Variants in RASA4 observed in about 807,000 individuals in gnomAD.
The protein encoded by RASA4 is ras GTPase-activating protein 4.
A neutral mutation model predicts 24.0 loss-of-function variants in RASA4; 5 were observed. That is an observed-to-expected ratio of 0.21 (90% CI 0.11 to 0.44). The LOEUF is 0.44. Among genes scored for constraint, RASA4 ranks in the 20% least tolerant of loss-of-function variants. The probability of loss-of-function intolerance (pLI) is 0.99; values close to 1 mark genes in which losing one functional copy is unlikely to be tolerated. For missense variants in RASA4, 38 were observed against 293.0 expected, an observed-to-expected ratio of 0.13 and a Z score of 6.35; for synonymous variants, 9 against 132.7, an observed-to-expected ratio of 0.07 and a Z score of 6.41.
intron 16 of RASA4, among the ~76,000 whole-genome samples, chr7:102,590,919 A>C (rs1201820999): frequency 6.8e-6 from 1 of 146,590 alleles, no homozygotes; most frequent in African/African-American, 2.6e-5. Flanking sequence ...TGGCCTGGGC[A>C]ACAAAAGCGA....
chr7:102,606,916 G>A, intron 4 of RASA4, among the ~76,000 whole-genome samples: 1 of 40,532 alleles, frequency 2.5e-5, no homozygotes, highest in East Asian at 5.1e-4. Flanking sequence ...TAGCCTCACT[G>A]GGGCCACTAG....
At chr7:102,604,617 G>A (rs1469455594) in intron 5 of RASA4, among the ~76,000 whole-genome samples, 654 of 147,536 alleles carry the variant, frequency 4.4e-3, no homozygotes, top group African/African-American at 0.015. Context: ...GGGTGAGTTG[G>A]GGTGGGGCGG....
At position 102,605,951 on chromosome 7, in the gene RASA4, G is replaced by C; in HGVS notation, c.335C>G (p.Pro112Arg). Residue 112 changes from proline (P) to arginine (R), a missense_variant, in exon 5 of 21, where the codon CCC becomes CGC. By Grantham distance (103) the Pro-to-Arg change is moderately radical. Transcript: ENST00000262940. ...SGWAHLTEVD[P>R]DEEVQGEIHL... Reference sequence around the variant, plus strand: ...GATCTCGCCCTGCACCTCCTCATCGGGGTCGACCTCCGTCAGGTGGGCCCA... The same window carrying C: ...GATCTCGCCCTGCACCTCCTCATCGCGGTCGACCTCCGTCAGGTGGGCCCA... 1 of 1,607,310 alleles carries C rather than the reference G, an allele frequency of 6.2e-7. No homozygotes were observed. The highest frequency in any genetic ancestry group is 1.1e-5 in the South Asian group (1 of 90,498).
intron 2 of RASA4, among the ~76,000 whole-genome samples, chr7:102,610,805 T>C (rs1790813160): frequency 7.4e-6 from 1 of 135,874 alleles, no homozygotes; most frequent in African/African-American, 2.6e-5. Flanking sequence ...AGAGTTGTTG[T>C]TACAAATCGT....
intron 11 of RASA4, among the ~76,000 whole-genome samples, chr7:102,594,894 T>G (rs1261772055): frequency 1.5e-4 from 7 of 47,478 alleles, no homozygotes; most frequent in Admixed American, 5.2e-4. Context: ...GGGGGGGGGG[T>G]GCGGGGCACG....
chr7:102,599,763 C>G (rs1219668593), intron 8 of RASA4, 97 bp downstream of exon 8: 1 of 113,640 alleles, frequency 8.8e-6, no homozygotes, highest in African/African-American at 3.5e-5. Context: ...ACCTCTCACC[C>G]TGAGCAGCCC....
intron 5 of RASA4, among the ~76,000 whole-genome samples, chr7:102,603,056 G>A (rs1790433461): frequency 6.9e-6 from 1 of 144,040 alleles, no homozygotes; most frequent in Non-Finnish European, 1.5e-5. Flanking sequence ...CGCCTCCTGG[G>A]TTCAAGTAAT....
intron 5 of RASA4, among the ~76,000 whole-genome samples, chr7:102,603,176 C>T (rs1395899221): frequency 7.2e-6 from 1 of 139,450 alleles, no homozygotes; most frequent in Non-Finnish European, 1.6e-5. Context: ...GGCCAGGCTG[C>T]CGTCGAACTC....
intron 4 of RASA4, among the ~76,000 whole-genome samples, chr7:102,607,634 CTTTG>C: frequency 1.6e-4 from 1 of 6,166 alleles, no homozygotes; most frequent in East Asian, 2.2e-3. Flanking sequence ...CGGCCTCCAT[CTTTG>C]TTTTTCTTTT....
At chr7:102,588,852 A>C (rs1377357596) in intron 17 of RASA4, among the ~76,000 whole-genome samples, 4 of 32,680 alleles carry the variant, frequency 1.2e-4, no homozygotes, top group Admixed American at 4.6e-4. Context: ...CTCCCTGACC[A>C]CTCTTAATAG....
intron 5 of RASA4, among the ~76,000 whole-genome samples, chr7:102,603,526 C>G (rs1352895500): frequency 1.3e-5 from 2 of 152,020 alleles, no homozygotes; most frequent in African/African-American, 4.8e-5. Flanking sequence ...CTCTGCTTCC[C>G]AAAGCATTGG....
Position 102,580,396 on chromosome 7 carries a change from T to C in RASA4, c.*2375A>G, listed in dbSNP as rs2133428846. ...CAAGTCTCCTTTATTTTCCTTTTTT[T>C]TTTTTTTTTTTTTTTAATTTTAGGG... On this transcript the variant is annotated 3_prime_UTR_variant, in exon 21 of 21. Coordinates refer to ENST00000262940, the MANE Select transcript of RASA4 (RefSeq NM_006989.6). 9.8e-6 allele frequency: 1 copy of C among 101,936 alleles called. No homozygotes were observed. The highest frequency in any genetic ancestry group is 3.0e-4 in the South Asian group (1 of 3,312). The allele number at this position is 101,936 out of a possible 1,614,324, so 6.3% of individuals were successfully genotyped here.
In RASA4 at chr7:102,580,232, TTC is replaced by T. The variant is rs1389978332; in HGVS notation, c.*2537_*2538del. The T allele has an allele frequency of 2.1e-5, 3 of 139,954 alleles. No individual in the cohort carries two copies. Among genetic ancestry groups the T allele is most frequent in the African/African-American group, 5.2e-5 (2 of 38,822 alleles). 8.7% of individuals were successfully genotyped at this position (139,954 alleles called of 1,614,324 possible). ...GGTTGCTGTAAGTCACCTAAATATC[TTC>T]TCTTTTTTATACTTTTTATTGTAGT... On this transcript the variant is annotated 3_prime_UTR_variant, in exon 21 of 21. Transcript: ENST00000262940.
intron 4 of RASA4, among the ~76,000 whole-genome samples, chr7:102,606,660 C>A (rs1790684830): frequency 1.3e-5 from 1 of 79,776 alleles, no homozygotes; most frequent in Non-Finnish European, 2.8e-5. Context: ...GGTGATAGAG[C>A]AAGACCCCAT....
At chr7:102,614,353 CT>C (rs1476695470) in intron 1 of RASA4, among the ~76,000 whole-genome samples, 22 of 116,054 alleles carry the variant, frequency 1.9e-4, no homozygotes, top group African/African-American at 7.5e-4. Flanking sequence ...TGGCAAATGG[CT>C]TTCACTTCCT....
chr7:102,585,860 T>TA (rs1305376798), intron 18 of RASA4, among the ~76,000 whole-genome samples: 2 of 149,620 alleles, frequency 1.3e-5, no homozygotes, highest in African/African-American at 4.9e-5. Context: ...TTTTTTTGTT[T>TA]TTTTTTTTTT....
intron 8 of RASA4, among the ~76,000 whole-genome samples, chr7:102,597,636 G>C (rs1333880128): frequency 7.3e-6 from 1 of 136,934 alleles, no homozygotes; most frequent in Non-Finnish European, 1.7e-5. Context: ...ATGTTGGCCA[G>C]GCTGGTCTTG....
At chr7:102,590,958 T>A (rs1370595869) in intron 16 of RASA4, among the ~76,000 whole-genome samples, 33 of 143,770 alleles carry the variant, frequency 2.3e-4, no homozygotes, top group Middle Eastern at 7.4e-3. Context: ...AAAAAAAAAA[T>A]GGGACCAGAA....
intron 10 of RASA4, 36 bp from the exon 11 acceptor site, chr7:102,595,405 A>G (rs1276294687): frequency 1.5e-6 from 2 of 1,329,856 alleles, no homozygotes; most frequent in South Asian, 2.6e-5. Context: ...GGGGGCTGGC[A>G]CAAAGCTTTT....
Sources: gnomAD v4.1 joint callset for allele counts (sites outside exome capture counted in the v4.1 genomes callset) on GRCh38, gnomAD v4.1.1 for gene constraint, MANE v1.5 for transcripts, NCBI Gene and HGNC (gene_info 2026-07-23, HGNC 2026-07-21) for gene names.